Variants in ACACA observed in about 807,000 individuals in gnomAD.
ACACA encodes the protein acetyl-CoA carboxylase alpha, also known as acetyl-CoA carboxylase 1.
ACACA carries 103 observed loss-of-function variants against 296.1 expected under a neutral mutation model. The ratio of observed to expected loss-of-function variants is 0.35; its 90% CI spans 0.30 to 0.41. ACACA has a LOEUF of 0.41. Among genes scored for constraint, ACACA ranks in the 10% least tolerant of loss-of-function variants. The pLI is 1.00. For missense variants in ACACA, 1,554 were observed against 2,989.7 expected (o/e 0.52, Z 11.20); for synonymous variants, 953 against 1,038.6 (o/e 0.92, Z 1.58).
chr17:37,237,153 T>C (rs2145879247), intron 24 of ACACA, among the ~76,000 whole-genome samples: 1 of 152,330 alleles, frequency 6.6e-6, no homozygotes, highest in East Asian at 1.9e-4. Context: ...TCCTTAACAT[T>C]GTATTTTTGA....
chr17:37,404,314 T>C (rs892862625), intron 1 of ACACA, among the ~76,000 whole-genome samples: 11 of 152,034 alleles, frequency 7.2e-5, no homozygotes, highest in African/African-American at 2.4e-4. Flanking sequence ...CAGCTATAGG[T>C]GAAACACTAA....
intron 3 of ACACA, among the ~76,000 whole-genome samples, chr17:37,291,159 C>A (rs201826340): frequency 2.0e-5 from 2 of 100,128 alleles, no homozygotes; most frequent in African/African-American, 9.9e-5. Context: ...CACACACACA[C>A]ACACACACAT....
chr17:37,338,265 A>T (rs1186838671), intron 2 of ACACA, among the ~76,000 whole-genome samples: 2 of 151,110 alleles, frequency 1.3e-5, no homozygotes, highest in Non-Finnish European at 1.5e-5. Context: ...AACAAAAAAA[A>T]TTTGCTGTCT....
chr17:37,329,510 A>G (rs758853807), intron 3 of ACACA, among the ~76,000 whole-genome samples: 6 of 151,978 alleles, frequency 3.9e-5, no homozygotes, highest in Non-Finnish European at 8.8e-5. Context: ...GCGCAAGGGC[A>G]TGCACTTGTA....
At chr17:37,121,710 A>T (rs541293892) in intron 49 of ACACA, among the ~76,000 whole-genome samples, 1 of 152,334 alleles carries the variant, frequency 6.6e-6, no homozygotes, top group African/African-American at 2.4e-5. Context: ...TGATTATAAT[A>T]ACTCTGTAGT....
rs2082697750 is a variant in ACACA, at chr17:37,284,883, T to C, written c.426A>G (p.Pro142=). 6.2e-7 allele frequency: 1 copy of C among 1,614,210 alleles called. No individual in the cohort carries two copies. The highest frequency in any genetic ancestry group is 8.5e-7 in the Non-Finnish European group (1 of 1,180,018). The change falls in exon 4 of 56, where the codon CCA becomes CCG. Residue 142 remains proline (P), a synonymous_variant. Coordinates refer to ENST00000616317, the MANE Select transcript of ACACA (RefSeq NM_198834.3). ...DSQRDFTVAS[P]AEFVTRFGGN... ...CCCCAAAGCGAGTAACAAATTCTGCTGGAGAAGCCACAGTGAAATCTCGTT... is the reference window on the plus strand; with the variant it reads ...CCCCAAAGCGAGTAACAAATTCTGCCGGAGAAGCCACAGTGAAATCTCGTT...
intron 1 of ACACA, among the ~76,000 whole-genome samples, chr17:37,394,733 G>T (rs999448219): frequency 6.9e-6 from 1 of 145,836 alleles, no homozygotes; most frequent in Non-Finnish European, 1.5e-5. Context: ...AAAAGAAAAA[G>T]AAAAAATTAG....
intron 39 of ACACA, among the ~76,000 whole-genome samples, chr17:37,184,848 CAAAAAA>C (rs35132757): frequency 9.2e-6 from 1 of 108,322 alleles, no homozygotes. Flanking sequence ...GACCCTGTCT[CAAAAAA>C]AAAAAAAAAA....
chr17:37,124,712 A>G (rs1481051142), intron 48 of ACACA, among the ~76,000 whole-genome samples: 1 of 152,328 alleles, frequency 6.6e-6, no homozygotes, highest in Middle Eastern at 3.4e-3. Flanking sequence ...GCTCTGGGAC[A>G]TTCAGTCTGA....
chr17:37,188,538 T>A, intron 38 of ACACA, 58 bp from the exon 39 acceptor site: 2 of 1,553,540 alleles, frequency 1.3e-6, no homozygotes, highest in Non-Finnish European at 1.8e-6. Flanking sequence ...AAGACCTGTT[T>A]CAGGTCTGCT....
chr17:37,194,892 C>G (rs2077919019), intron 35 of ACACA, among the ~76,000 whole-genome samples: 1 of 152,164 alleles, frequency 6.6e-6, no homozygotes, highest in Non-Finnish European at 1.5e-5. Context: ...TTACACAGGA[C>G]TGAACTTCTC....
chr17:37,260,439 G>A (rs1385591226), intron 11 of ACACA, among the ~76,000 whole-genome samples: 1 of 150,530 alleles, frequency 6.6e-6, no homozygotes, highest in Admixed American at 6.6e-5. Flanking sequence ...GAGTAGCTGG[G>A]ATCACAGGCA....
At chr17:37,225,595 C>T (rs998364916) in intron 26 of ACACA, 1 of 189,104 alleles carries the variant, frequency 5.3e-6, no homozygotes, top group Admixed American at 5.4e-5. Flanking sequence ...CAGGAAGTAA[C>T]ACCAGTGTGT....
At chr17:37,139,746 G>A (rs1422766986) in intron 45 of ACACA, among the ~76,000 whole-genome samples, 1 of 152,206 alleles carries the variant, frequency 6.6e-6, no homozygotes, top group Non-Finnish European at 1.5e-5. Context: ...GTGGAATTAA[G>A]TTTTAACTGT....
At chr17:37,299,225 T>C in intron 3 of ACACA, 12 of 1,558,460 alleles carry the variant, frequency 7.7e-6, no homozygotes, top group Non-Finnish European at 1.1e-5. Flanking sequence ...TGTCAGTACC[T>C]TACTGTTTTT....
chr17:37,104,281 C>T (rs2073540047), intron 52 of ACACA, among the ~76,000 whole-genome samples: 1 of 152,214 alleles, frequency 6.6e-6, no homozygotes, highest in Admixed American at 6.5e-5. Flanking sequence ...CCTAAAAATG[C>T]ACACTTTTAA....
At chr17:37,211,103 G>A (rs1293588365) in intron 29 of ACACA, among the ~76,000 whole-genome samples, 3 of 152,100 alleles carry the variant, frequency 2.0e-5, no homozygotes, top group Non-Finnish European at 2.9e-5. Context: ...AGGGGGGAAG[G>A]TACTGTATTC....
At chr17:37,258,972 A>G (rs1361293226) in intron 12 of ACACA, among the ~76,000 whole-genome samples, 13 of 152,232 alleles carry the variant, frequency 8.5e-5, no homozygotes, top group Admixed American at 8.5e-4. Context: ...CTTGTAAGGA[A>G]AAACTTCAAC....
intron 3 of ACACA, among the ~76,000 whole-genome samples, chr17:37,328,409 A>G (rs1324794300): frequency 3.3e-5 from 5 of 152,216 alleles, no homozygotes; most frequent in South Asian, 2.1e-4. Context: ...CTCTATTTAA[A>G]TAATGTTTTA....
Sources: allele counts gnomAD v4.1 joint callset (sites outside exome capture counted in the v4.1 genomes callset), GRCh38; gene constraint gnomAD v4.1.1; transcripts MANE v1.5; gene names NCBI Gene and HGNC (gene_info 2026-07-23, HGNC 2026-07-21).